LRRIQ3: variants seen among roughly 807,000 people sequenced by gnomAD.
LRRIQ3 encodes the protein leucine rich repeats and IQ motif containing 3.
A neutral mutation model predicts 59.3 loss-of-function variants in LRRIQ3; 75 were observed. The observed-to-expected ratio is 1.26, with a 90% CI of 1.05 to 1.53. LRRIQ3 has a LOEUF of 1.53. Ranked by LOEUF, LRRIQ3 falls within the 40% of genes most tolerant of loss-of-function variation. LRRIQ3 has a pLI of 0.00. For synonymous variants in LRRIQ3, 250 were observed against 231.3 expected (o/e 1.08, Z -0.73); for missense variants, 831 against 710.0 (o/e 1.17, Z -1.94).
At chr1:74,084,955 T>A (rs1213735104) in intron 5 of LRRIQ3, among the ~76,000 whole-genome samples, 1 of 151,694 alleles carries the variant, frequency 6.6e-6, no homozygotes, top group Admixed American at 6.6e-5. Context: ...GTATTCCAAG[T>A]TCTACTATAA....
chr1:74,102,869 C>T (rs575601496), intron 5 of LRRIQ3, among the ~76,000 whole-genome samples: 1 of 152,096 alleles, frequency 6.6e-6, no homozygotes, highest in Admixed American at 6.6e-5. Flanking sequence ...TGGCTTGAAA[C>T]CTTTCTTATC....
intron 4 of LRRIQ3, among the ~76,000 whole-genome samples, chr1:74,114,256 C>A (rs1646746326): frequency 6.6e-6 from 1 of 151,854 alleles, no homozygotes; most frequent in African/African-American, 2.4e-5. Flanking sequence ...AAAAAGCTTA[C>A]AGTTTTATAA....
chr1:74,137,799 T>C (rs1476831424), intron 4 of LRRIQ3, among the ~76,000 whole-genome samples: 3 of 152,008 alleles, frequency 2.0e-5, no homozygotes, highest in African/African-American at 4.8e-5. Flanking sequence ...TGCAGGCACA[T>C]GGATGAAGCT....
At chr1:74,140,556 C>T (rs1051821255) in intron 4 of LRRIQ3, among the ~76,000 whole-genome samples, 1 of 151,778 alleles carries the variant, frequency 6.6e-6, no homozygotes, top group Non-Finnish European at 1.5e-5. Context: ...TGAACACCAC[C>T]TAACCAGTGA....
intron 5 of LRRIQ3, among the ~76,000 whole-genome samples, chr1:74,095,326 G>A (rs2100526274): frequency 6.6e-6 from 1 of 152,166 alleles, no homozygotes. Flanking sequence ...CAGTTGTTTT[G>A]TTTACATCGC....
At chr1:74,180,719 ATTTGC>A (rs1038927470) in intron 3 of LRRIQ3, 11 of 1,549,858 alleles carry the variant, frequency 7.1e-6, no homozygotes, top group Non-Finnish European at 9.6e-6. Flanking sequence ...CTCATGACTC[ATTTGC>A]TGTCCAATAT....
chr1:74,141,568 C>A (rs1422828166), intron 4 of LRRIQ3, among the ~76,000 whole-genome samples: 1 of 151,712 alleles, frequency 6.6e-6, no homozygotes, highest in Non-Finnish European at 1.5e-5. Context: ...TAGACATTAG[C>A]TTATTCAATA....
At chr1:74,064,706 A>G (rs1057269825) in intron 6 of LRRIQ3, among the ~76,000 whole-genome samples, 15 of 151,922 alleles carry the variant, frequency 9.9e-5, no homozygotes, top group African/African-American at 3.4e-4. Context: ...CTTTTTCTGG[A>G]TTTAAGAATC....
chr1:74,144,549 T>TAAA (rs5775227), intron 4 of LRRIQ3: 57 of 140,100 alleles, frequency 4.1e-4, no homozygotes, highest in South Asian at 1.1e-3. Context: ...TAACAGTCTG[T>TAAA]AAAAAAAAAA....
intron 3 of LRRIQ3, among the ~76,000 whole-genome samples, chr1:74,159,849 G>A (rs1196471700): frequency 1.3e-5 from 2 of 151,908 alleles, no homozygotes; most frequent in Non-Finnish European, 2.9e-5. Context: ...TATCTATATA[G>A]TCATAAAAAC....
At chr1:74,113,446 G>A (rs1027716954) in intron 4 of LRRIQ3, among the ~76,000 whole-genome samples, 2 of 151,974 alleles carry the variant, frequency 1.3e-5, no homozygotes, top group Non-Finnish European at 2.9e-5. Flanking sequence ...ATGTAAAGAG[G>A]TCCACGTCCA....
intron 5 of LRRIQ3, among the ~76,000 whole-genome samples, chr1:74,104,180 T>C (rs1456006546): frequency 6.6e-6 from 1 of 152,010 alleles, no homozygotes; most frequent in African/African-American, 2.4e-5. Flanking sequence ...ACTACCAACC[T>C]ATTAGAATGA....
intron 6 of LRRIQ3, among the ~76,000 whole-genome samples, chr1:74,054,478 T>C (rs532554347): frequency 6.6e-6 from 1 of 152,146 alleles, no homozygotes; most frequent in Admixed American, 6.6e-5. Context: ...TGTACGTTTT[T>C]CAAAACTCAT....
intron 4 of LRRIQ3, among the ~76,000 whole-genome samples, chr1:74,126,954 G>A (rs748560992): frequency 1.3e-5 from 2 of 151,734 alleles, no homozygotes; most frequent in Non-Finnish European, 2.9e-5. Context: ...GGGGTGCTGA[G>A]GTCTCCAGCT....
chr1:74,109,263 T>C (rs1029318599), intron 5 of LRRIQ3, 131 bp downstream of exon 5: 3 of 736,790 alleles, frequency 4.1e-6, no homozygotes, highest in South Asian at 1.7e-5. Flanking sequence ...AATCAAAAAA[T>C]ATAAAGCAGG....
At chr1:74,131,144 G>C (rs1441559422) in intron 4 of LRRIQ3, among the ~76,000 whole-genome samples, 1 of 151,968 alleles carries the variant, frequency 6.6e-6, no homozygotes, top group African/African-American at 2.4e-5. Flanking sequence ...ATAAATTCCT[G>C]GACACATACA....
At chr1:74,130,714 T>C (rs1449730620) in intron 4 of LRRIQ3, among the ~76,000 whole-genome samples, 1 of 152,102 alleles carries the variant, frequency 6.6e-6, no homozygotes, top group Non-Finnish European at 1.5e-5. Context: ...TCAGTATTTC[T>C]ACTTTTAAGA....
At chr1:74,132,460 A>G (rs1178352816) in intron 4 of LRRIQ3, among the ~76,000 whole-genome samples, 1 of 152,164 alleles carries the variant, frequency 6.6e-6, no homozygotes, top group Non-Finnish European at 1.5e-5. Context: ...CCTGACTTCA[A>G]ACTACACTAT....
intron 6 of LRRIQ3, among the ~76,000 whole-genome samples, chr1:74,074,152 A>G (rs1449340413): frequency 6.6e-6 from 1 of 152,182 alleles, no homozygotes; most frequent in Non-Finnish European, 1.5e-5. Context: ...TCCTAAAAAA[A>G]TTTCTCCTAA....
Sources: gnomAD v4.1 joint callset for allele counts (sites outside exome capture counted in the v4.1 genomes callset) on GRCh38, gnomAD v4.1.1 for gene constraint, MANE v1.5 for transcripts, NCBI Gene and HGNC (gene_info 2026-07-23, HGNC 2026-07-21) for gene names.